CAST: variants seen among roughly 807,000 people sequenced by gnomAD.
CAST encodes calpastatin, also known as MIR583 host.
A neutral mutation model predicts 119.6 loss-of-function variants in CAST; 76 were observed. The ratio of observed to expected loss-of-function variants is 0.64; its 90% CI spans 0.53 to 0.77. The LOEUF (loss-of-function observed/expected upper bound fraction) is 0.77. Ranked by LOEUF, CAST falls within the 30% of genes least tolerant of loss-of-function variation. The probability of loss-of-function intolerance (pLI) is 0.00; values close to 1 mark genes in which losing one functional copy is unlikely to be tolerated. For missense variants in CAST, 953 were observed against 946.5 expected (o/e 1.01, Z -0.09); for synonymous variants, 319 against 331.6 (o/e 0.96, Z 0.41).
the CAST span, among the ~76,000 whole-genome samples, chr5:96,000,021 A>G: frequency 6.6e-6 from 1 of 152,218 alleles, no homozygotes; most frequent in Non-Finnish European, 1.5e-5. Flanking sequence ...ATCTTTTCAT[A>G]TTGTTATTAG....
chr5:96,410,730 C>T, the CAST span: 26 of 1,466,352 alleles, frequency 1.8e-5, no homozygotes, highest in African/African-American at 2.8e-5. Flanking sequence ...ATGCATGCCA[C>T]GCTCTCCTAA....
At chr5:96,720,909 A>T (rs531614514) in intron 3 of CAST, among the ~76,000 whole-genome samples, 5 of 152,354 alleles carry the variant, frequency 3.3e-5, no homozygotes, top group Admixed American at 2.0e-4. Context: ...GTTGAGGGGA[A>T]TCATTAAAGG....
chr5:96,400,446 C>T, the CAST span, among the ~76,000 whole-genome samples: 1 of 152,128 alleles, frequency 6.6e-6, no homozygotes, highest in Non-Finnish European at 1.5e-5. Flanking sequence ...AAAATTCAGT[C>T]CTCAGCAATA....
At chr5:96,719,555 T>C (rs1256405571) in intron 3 of CAST, among the ~76,000 whole-genome samples, 1 of 152,244 alleles carries the variant, frequency 6.6e-6, no homozygotes, top group African/African-American at 2.4e-5. Context: ...TTACTCTGAC[T>C]TGTGCCTTAA....
chr5:95,972,118 A>G, the CAST span, among the ~76,000 whole-genome samples: 8 of 151,368 alleles, frequency 5.3e-5, no homozygotes, highest in South Asian at 1.7e-3. Flanking sequence ...GCCACCAAAC[A>G]CAGCTAATTA....
At chr5:96,299,069 G>A in the CAST span, among the ~76,000 whole-genome samples, 4 of 151,770 alleles carry the variant, frequency 2.6e-5, no homozygotes, top group Admixed American at 6.6e-5. Flanking sequence ...ATGAAACTCC[G>A]TCTCTACTAA....
the CAST span, among the ~76,000 whole-genome samples, chr5:96,305,472 C>G: frequency 1.3e-5 from 2 of 152,166 alleles, no homozygotes; most frequent in Non-Finnish European, 2.9e-5. Flanking sequence ...TTGACCTGGC[C>G]AGGACTTCCA....
the CAST span, among the ~76,000 whole-genome samples, chr5:96,268,110 A>G: frequency 1.4e-4 from 21 of 152,226 alleles, no homozygotes; most frequent in African/African-American, 4.8e-4. Context: ...GTAATGAATT[A>G]AAACATACTA....
the CAST span, among the ~76,000 whole-genome samples, chr5:96,482,604 G>GA: frequency 6.6e-6 from 1 of 151,704 alleles, no homozygotes; most frequent in Admixed American, 6.6e-5. Context: ...TTGCAATGAA[G>GA]AAAAAAACTC....
At chr5:96,122,240 A>T in the CAST span, among the ~76,000 whole-genome samples, 77 of 152,162 alleles carry the variant, frequency 5.1e-4, 1 homozygote, top group Admixed American at 3.0e-3. Flanking sequence ...AGCTTCAAAC[A>T]TGCATTTGTG....
chr5:96,571,561 C>T (rs545696797), intron 1 of CAST, among the ~76,000 whole-genome samples: 1 of 152,138 alleles, frequency 6.6e-6, no homozygotes. Context: ...ACTGAACCGA[C>T]CATTGAATGG....
the CAST span, among the ~76,000 whole-genome samples, chr5:96,280,773 T>G: frequency 6.6e-6 from 1 of 152,198 alleles, no homozygotes; most frequent in Non-Finnish European, 1.5e-5. Context: ...TTTTTTTTTT[T>G]TCTTAACTGT....
intron 1 of CAST, among the ~76,000 whole-genome samples, chr5:96,656,906 C>CTT (rs1380610118): frequency 1.3e-5 from 2 of 151,404 alleles, no homozygotes; most frequent in African/African-American, 2.4e-5. Flanking sequence ...CCCCAAATGA[C>CTT]TTTGAGTATT....
At chr5:96,434,631 G>GT in the CAST span, among the ~76,000 whole-genome samples, 619 of 148,632 alleles carry the variant, frequency 4.2e-3, 5 homozygotes, top group Non-Finnish European at 6.6e-3. Context: ...TGTTGTTGTT[G>GT]TTGTTTTTTA....
At chr5:96,233,630 G>A in the CAST span, among the ~76,000 whole-genome samples, 1 of 152,126 alleles carries the variant, frequency 6.6e-6, no homozygotes, top group East Asian at 1.9e-4. Context: ...TTCTCTCCTT[G>A]ACAGATGGAT....
intron 2 of CAST, among the ~76,000 whole-genome samples, chr5:96,682,402 C>T (rs575993240): frequency 1.3e-5 from 2 of 152,180 alleles, no homozygotes; most frequent in Non-Finnish European, 2.9e-5. Flanking sequence ...TCCTCTCTTA[C>T]CTCTTTGTCT....
At chr5:96,300,834 A>ATTTTTTT in the CAST span, among the ~76,000 whole-genome samples, 73 of 52,218 alleles carry the variant, frequency 1.4e-3, no homozygotes, top group Non-Finnish European at 1.6e-3. Context: ...ATTCCTAAGC[A>ATTTTTTT]TTTTTTTTTT....
Position 96,649,537 on chromosome 5 carries a change from C to T in CAST, c.61-26002C>T, listed in dbSNP as rs188460998. Among the ~76,000 whole-genome samples the T allele has an allele frequency of 1.5e-3, 224 of 152,316 alleles. 3 individuals are homozygous for T. The highest frequency in any genetic ancestry group is 2.3e-3 in the South Asian group (11 of 4,824). On this transcript the variant is annotated intron_variant, in intron 1 of 11. Coordinates refer to the CAST transcript ENST00000505143. ...TCTTTCATTGATCTGCTCTCTGGCC[C>T]TCTGCCACCTTGGATCAAGCCACCT...
chr5:96,530,172 A>G (rs536061125), intron 1 of CAST, among the ~76,000 whole-genome samples: 4 of 140,684 alleles, frequency 2.8e-5, no homozygotes, highest in African/African-American at 1.0e-4. Context: ...CTAACGTGGG[A>G]GGGAGGGAGG....
Sources: allele counts gnomAD v4.1 joint callset (sites outside exome capture counted in the v4.1 genomes callset), GRCh38; gene constraint gnomAD v4.1.1; transcripts MANE v1.5; gene names NCBI Gene and HGNC (gene_info 2026-07-23, HGNC 2026-07-21).